The following POLR2C variants were observed in gnomAD, a reference collection of about 807,000 sequenced individuals.
The protein encoded by POLR2C is DNA-directed RNA polymerase II subunit RPB3.
In POLR2C, 36 loss-of-function variants were observed where a neutral mutation model predicts 41.7. The ratio of observed to expected loss-of-function variants is 0.86; its 90% confidence interval spans 0.66 to 1.14. The LOEUF is 1.14. POLR2C is among the 50% of genes most tolerant of loss of function. The pLI is 0.00. For synonymous variants in POLR2C, 133 were observed against 137.8 expected (o/e 0.96, Z 0.25); for missense variants, 260 against 350.4 (o/e 0.74, Z 2.06).
chr16:57,465,904 T>G, intron 2 of POLR2C, 49 bp from the exon 3 acceptor site: 1 of 1,119,242 alleles, frequency 8.9e-7, no homozygotes, highest in Non-Finnish European at 1.4e-6. Flanking sequence ...ATTAAGTCTG[T>G]AGGTAAATTT....
Position 57,469,860 on chromosome 16 carries a change from CG to C in POLR2C, c.439+100del. On this transcript the variant is annotated intron_variant, in intron 6 of 8. Transcript: ENST00000219252. The surrounding 1 kb of genome is among the most constrained non-coding windows in gnomAD (Gnocchi z 5.8). ...GTCTCCTCGAAAATTGGCTTTAGACCGTTTTTCCAGATGTGTGTGGTCTTGC... is the reference window on the plus strand; with the variant it reads ...GTCTCCTCGAAAATTGGCTTTAGACCTTTTTCCAGATGTGTGTGGTCTTGC... 2 of 1,581,418 alleles carry C rather than the reference CG, an allele frequency of 1.3e-6. No individual in the cohort carries two copies. The highest frequency in any genetic ancestry group is 8.7e-7 in the Non-Finnish European group (1 of 1,151,050).
chr16:57,470,514 AG>A, intron 8 of POLR2C, 160 bp downstream of exon 8: 2 of 600,920 alleles, frequency 3.3e-6, no homozygotes, highest in South Asian at 4.1e-5. Context: ...TGCACATCCC[AG>A]GGGCAGGTCG....
chr16:57,469,964 T>C lies in POLR2C; in HGVS notation c.443T>C (p.Ile148Thr). 6.2e-7 allele frequency: 1 copy of C among 1,613,524 alleles called. No individual in the cohort carries two copies. Among genetic ancestry groups the C allele is most frequent in the Admixed American group, 1.7e-5 (1 of 59,994 alleles). Residue 148 changes from isoleucine (I) to threonine (T), a missense_variant, in exon 7 of 9, where the codon ATC (isoleucine) becomes ACC (threonine). Physicochemically the swap from Ile to Thr is moderately conservative, Grantham distance 89. Transcript: ENST00000219252. This position sits in a 1 kb window ranked among gnomAD's most constrained non-coding sequence, Gnocchi z 5.8. ...DPNDYVEQDDILIVKLRKGQE... is the reference protein window; with the variant it reads ...DPNDYVEQDDTLIVKLRKGQE... ...TGACTTGTGCCTCTCCCTGCAGACA[T>C]CCTCATCGTCAAGTTGAGAAAGGGC... is the stretch of plus-strand genomic sequence containing the variant.
chr16:57,466,924 T>C (rs1273320775), intron 4 of POLR2C, among the ~76,000 whole-genome samples: 17 of 152,276 alleles, frequency 1.1e-4, no homozygotes, highest in African/African-American at 4.1e-4. Flanking sequence ...CTTATAAATA[T>C]GTGTGTATTT....
intron 2 of POLR2C, 128 bp downstream of exon 2, chr16:57,463,206 G>A: frequency 2.5e-6 from 2 of 813,704 alleles, no homozygotes; most frequent in Middle Eastern, 2.2e-4. Flanking sequence ...AAAGTGCATT[G>A]CTGGAGACTT....
intron 3 of POLR2C, 26 bp downstream of exon 3, chr16:57,466,047 T>TA (rs762639335): frequency 6.7e-7 from 1 of 1,495,918 alleles, no homozygotes; most frequent in South Asian, 1.1e-5. Flanking sequence ...ACTAGGAGGT[T>TA]AAAGGGAGGG....
chr16:57,462,962 C>A lies in POLR2C; in HGVS notation c.87-67C>A. 2.0e-6 allele frequency: 3 copies of A among 1,468,276 alleles called. No individual in the cohort carries two copies. In the South Asian group the frequency reaches 3.4e-5, roughly 17 times the overall value. 91.0% of individuals were successfully genotyped at this position (1,468,276 alleles called of 1,614,324 possible). Reference sequence around the variant, plus strand: ...TGCACCAGGGCTTTAGCTTTGGGAGCCTGCGGCGCGGGCCCAGCCTGTCGA... The same window carrying A: ...TGCACCAGGGCTTTAGCTTTGGGAGACTGCGGCGCGGGCCCAGCCTGTCGA... On this transcript the variant is annotated intron_variant, in intron 1 of 8. Transcript: ENST00000219252.
chr16:57,464,785 A>G (rs186879495), intron 2 of POLR2C, among the ~76,000 whole-genome samples: 173 of 151,486 alleles, frequency 1.1e-3, no homozygotes, highest in African/African-American at 3.9e-3. Context: ...GTTGTACTTC[A>G]TGATGCAGCC....
chr16:57,464,766 G>T (rs972509032), intron 2 of POLR2C, among the ~76,000 whole-genome samples: 2 of 149,284 alleles, frequency 1.3e-5, no homozygotes, highest in Non-Finnish European at 3.0e-5. Context: ...TCAGGAGTCA[G>T]GTGAGGGAGT....
chr16:57,467,397 G>A (rs562234550), intron 4 of POLR2C, among the ~76,000 whole-genome samples: 6 of 152,144 alleles, frequency 3.9e-5, no homozygotes, highest in Non-Finnish European at 7.3e-5. Flanking sequence ...GGTGGGGACC[G>A]TTGTACAACC....
Position 57,470,298 on chromosome 16 carries a change from G to A in POLR2C, c.627G>A (p.Ser209=), listed in dbSNP as rs146268816. 1.9e-4 allele frequency: 299 copies of A among 1,613,302 alleles called. No individual in the cohort carries two copies. The highest frequency in any genetic ancestry group is 2.4e-4 in the Non-Finnish European group (285 of 1,179,598). Residue 209 remains serine (S), a synonymous_variant, in exon 8 of 9, where the codon TCG becomes TCA. Transcript: ENST00000219252. The part of the protein sequence containing the change: ...KPEEWPKSEY[S]ELDEDESQAP... ...ACCTCAGGCCAAAGAGTGAGTACTC[G>A]GAGCTGGATGAGGATGAGTCGCAGG...
At position 57,469,668 on chromosome 16, in the gene POLR2C, G is replaced by T. The variant is rs774581336; in HGVS notation, c.388-42G>T. 2.3e-5 allele frequency: 36 copies of T among 1,538,884 alleles called. No individual in the cohort carries two copies. Among genetic ancestry groups the T allele is most frequent in the Non-Finnish European group, 3.1e-5 (34 of 1,112,826 alleles). On this transcript the variant is annotated intron_variant, in intron 5 of 8. Transcript: ENST00000219252. The surrounding 1 kb of genome is among the most constrained non-coding windows in gnomAD (Gnocchi z 5.8). ...ATATGGATGCCAGAGGAGGTGACTG[G>T]GGAGGTGAGCAGCTAATGAATGCCT...
chr16:57,469,060 A>C lies in POLR2C; in HGVS notation c.259-105A>C. 1 of 1,159,552 alleles carries C rather than the reference A, an allele frequency of 8.6e-7. No homozygotes were observed. The highest frequency in any genetic ancestry group is 1.2e-6 in the Non-Finnish European group (1 of 802,596). The allele number at this position is 1,159,552 out of a possible 1,614,324, so 71.8% of individuals were successfully genotyped here. On this transcript the variant is annotated intron_variant, in intron 4 of 8. Transcript: ENST00000219252. The surrounding 1 kb of genome is among the most constrained non-coding windows in gnomAD (Gnocchi z 5.8). ...CTGATGAACCCCTTTTTACAGGTGA[A>C]GAAACTTAAGGAACTGGGCATTAGA...
rs375134638 is a variant in POLR2C, at chr16:57,471,367, G to A, written c.*248G>A. On this transcript the variant is annotated 3_prime_UTR_variant, in exon 9 of 9. Transcript: ENST00000219252. ...TGGCAGCAGTGCTCCCCAGATCCCA[G>A]AAGGTCCCTGCTGGAGTGTTTCCAG... The A allele has an allele frequency of 2.1e-6, 1 of 481,060 alleles. No homozygotes were observed. The highest frequency in any genetic ancestry group is 3.8e-6 in the Non-Finnish European group (1 of 266,390). 29.8% of individuals were successfully genotyped at this position (481,060 alleles called of 1,614,324 possible).
At chr16:57,467,263 C>A (rs2030731887) in intron 4 of POLR2C, among the ~76,000 whole-genome samples, 1 of 152,224 alleles carries the variant, frequency 6.6e-6, no homozygotes, top group Admixed American at 6.5e-5. Flanking sequence ...CACAGAAAAG[C>A]ATGGAGCTAG....
chr16:57,464,719 C>G (rs1248888259), intron 2 of POLR2C, among the ~76,000 whole-genome samples: 1 of 144,640 alleles, frequency 6.9e-6, no homozygotes, highest in Non-Finnish European at 1.5e-5. Flanking sequence ...GGACCTCCCC[C>G]TGCCTAAGCA....
rs2030830651 is a variant in POLR2C at position 57,471,261 on chromosome 16, G to A, written c.*142G>A. The A allele has an allele frequency of 5.2e-5, 36 of 688,490 alleles. 1 individual carries two copies. The South Asian group carries it at 6.2e-4, about 12-fold the overall frequency. The allele number at this position is 688,490 out of a possible 1,614,324, so 42.6% of individuals were successfully genotyped here. On this transcript the variant is annotated 3_prime_UTR_variant, in exon 9 of 9. Transcript: ENST00000219252. ...GGCAGGACATCAGTACCAACTAGAAGTGGGTCATAGATAGATTACCAGGGA... is the reference window on the plus strand; with the variant it reads ...GGCAGGACATCAGTACCAACTAGAAATGGGTCATAGATAGATTACCAGGGA...
rs752282850 is a variant in POLR2C, at chr16:57,469,199, C to T, written c.293C>T (p.Ser98Leu). 20 of 1,614,146 alleles carry T rather than the reference C, an allele frequency of 1.2e-5. No homozygotes were observed. Among genetic ancestry groups the T allele is most frequent in the Admixed American group, 6.7e-5 (4 of 60,026 alleles). The change falls in exon 5 of 9, where the codon TCG becomes TTG. Residue 98 changes from serine (S) to leucine (L), a missense_variant. By Grantham distance (145) the Ser-to-Leu change is moderately radical. Coordinates refer to ENST00000219252, the MANE Select transcript of POLR2C (RefSeq NM_032940.3). The surrounding 1 kb of genome is among the most constrained non-coding windows in gnomAD (Gnocchi z 5.8). The stretch of plus-strand genomic sequence containing the variant: ...TGTGAGGAGTTCTGCCCCGAGTGCT[C>T]GGTGGAGTTCACCCTCGATGTGCGG... ...CTCEEFCPEC[S>L]VEFTLDVRCN...
intron 8 of POLR2C, 27 bp from the exon 9 acceptor site, chr16:57,470,948 T>C: frequency 6.2e-7 from 1 of 1,609,968 alleles, no homozygotes. Flanking sequence ...TGCCTCGCAG[T>C]GCACTCACTG....
Sources: allele counts gnomAD v4.1 joint callset (sites outside exome capture counted in the v4.1 genomes callset), GRCh38; gene constraint gnomAD v4.1.1; non-coding constraint Gnocchi (gnomAD v3.1); transcripts MANE v1.5; gene names NCBI Gene and HGNC (gene_info 2026-07-23, HGNC 2026-07-21).